Variants in MAP2K3 observed in about 807,000 individuals in gnomAD.
MAP2K3 encodes dual specificity mitogen-activated protein kinase kinase 3.
MAP2K3 carries 30 observed loss-of-function variants against 46.4 expected under a neutral mutation model. That is an observed-to-expected ratio of 0.65 (90% CI 0.48 to 0.88). The LOEUF is 0.88. MAP2K3 is among the 40% of genes least tolerant of loss of function. MAP2K3 has a pLI of 0.00. For missense variants in MAP2K3, 380 were observed against 464.5 expected (o/e 0.82, Z 1.67); for synonymous variants, 189 against 176.3 (o/e 1.07, Z -0.57).
chr17:21,285,052 C>CA, intron 1 of MAP2K3, 83 bp downstream of exon 1: 2 of 1,519,344 alleles, frequency 1.3e-6, no homozygotes, highest in Non-Finnish European at 1.8e-6. Flanking sequence ...TCTTTGGTCC[C>CA]ACCCCATCCT....
intron 1 of MAP2K3, among the ~76,000 whole-genome samples, chr17:21,295,011 A>C (rs902197797): frequency 3.9e-5 from 6 of 152,310 alleles, no homozygotes; most frequent in Non-Finnish European, 7.3e-5. Flanking sequence ...CAGAGAAGCC[A>C]TCAGGCCACA....
chr17:21,299,487 G>A (rs1041441862), intron 3 of MAP2K3, among the ~76,000 whole-genome samples: 1 of 152,306 alleles, frequency 6.6e-6, no homozygotes, highest in African/African-American at 2.4e-5. Context: ...CTCGGGACCA[G>A]GCCTGGGCAA....
rs778825381 is a variant in MAP2K3 at position 21,298,490 on chromosome 17, C to T, written c.116+11C>T. 6.2e-7 allele frequency: 1 copy of T among 1,614,314 alleles called. No homozygotes were observed. Among genetic ancestry groups the T allele is most frequent in the Non-Finnish European group, 8.5e-7 (1 of 1,180,058 alleles). The stretch of plus-strand genomic sequence containing the variant: ...CGCACCCAACCCCACGTGAGTCTGC[C>T]TCAGTTTCTCCCTGGCTCACCCTGG... On this transcript the variant is annotated intron_variant, in intron 2 of 11. Transcript: ENST00000342679.
intron 1 of MAP2K3, 70 bp downstream of exon 1, chr17:21,285,039 C>A: frequency 6.5e-7 from 1 of 1,549,434 alleles, no homozygotes; most frequent in Non-Finnish European, 8.7e-7. Context: ...AAACCCCGAC[C>A]TTTCTTTGGT....
chr17:21,292,507 C>T (rs1266472720), intron 1 of MAP2K3, among the ~76,000 whole-genome samples: 2 of 152,310 alleles, frequency 1.3e-5, no homozygotes, highest in Non-Finnish European at 2.9e-5. Flanking sequence ...CAGGCACGCA[C>T]CACCACGCCC....
intron 2 of MAP2K3, 77 bp downstream of exon 2, chr17:21,298,556 C>A (rs1274775936): frequency 3.7e-6 from 6 of 1,609,822 alleles, no homozygotes; most frequent in Non-Finnish European, 5.1e-6. Flanking sequence ...GAGTGAGAGG[C>A]AGGTGGGGCC....
At chr17:21,295,897 C>T (rs77663410) in intron 1 of MAP2K3, 18 of 1,271,140 alleles carry the variant, frequency 1.4e-5, no homozygotes, top group Middle Eastern at 2.2e-4. Flanking sequence ...GAGGGTGTGG[C>T]GTGGACCCCA....
At chr17:21,308,813 T>C (rs1451737159) in intron 9 of MAP2K3, among the ~76,000 whole-genome samples, 1 of 152,184 alleles carries the variant, frequency 6.6e-6, no homozygotes, top group Non-Finnish European at 1.5e-5. Context: ...TCTCCCTGTC[T>C]CCCTTCCAGT....
intron 3 of MAP2K3, 148 bp from the exon 4 acceptor site, chr17:21,300,397 G>A: frequency 1.3e-6 from 1 of 784,126 alleles, no homozygotes; most frequent in Non-Finnish European, 2.1e-6. Context: ...CTTGCTGAGG[G>A]TCACACAGCA....
chr17:21,309,129 C>T (rs1977042807), intron 9 of MAP2K3, among the ~76,000 whole-genome samples: 1 of 152,310 alleles, frequency 6.6e-6, no homozygotes, highest in Non-Finnish European at 1.5e-5. Flanking sequence ...CCTGGCCTCT[C>T]CATGCAACTT....
In MAP2K3 at chr17:21,300,977, G is replaced by A; in HGVS notation, c.383G>A (p.Gly128Glu). Residue 128 changes from glycine to glutamate, a missense_variant, in exon 5 of 12, where the codon GGG becomes GAG. Transcript: ENST00000342679. The part of the protein sequence containing the change: ...VDCFYTVTFY[G>E]ALFREGDVWI... ...TGTTTCTACACTGTCACCTTCTACG[G>A]GGCACTATTCAGAGAGGTGCGTCCT... 1 of 1,614,204 alleles carries A rather than the reference G, an allele frequency of 6.2e-7. No homozygotes were observed. Among genetic ancestry groups the A allele is most frequent in the Non-Finnish European group, 8.5e-7 (1 of 1,180,020 alleles).
At position 21,314,277 on chromosome 17, in the gene MAP2K3, C is replaced by A. The variant is rs754591217; in HGVS notation, c.*47C>A. ...TCCGGCCCTCCAGAGCCCCACAGCCCCATCTGCGGGGGCAGTGCTCACCCA... is the reference window on the plus strand; with the variant it reads ...TCCGGCCCTCCAGAGCCCCACAGCCACATCTGCGGGGGCAGTGCTCACCCA... On this transcript the variant is annotated 3_prime_UTR_variant, in exon 12 of 12. Coordinates refer to ENST00000342679, the MANE Select transcript of MAP2K3 (RefSeq NM_145109.3). The A allele has an allele frequency of 1.3e-5, 20 of 1,504,094 alleles. No individual in the cohort carries two copies. The African/African-American group carries it at 2.1e-4, about 16-fold the overall frequency. The allele number at this position is 1,504,094 out of a possible 1,614,324, so 93.2% of individuals were successfully genotyped here.
At chr17:21,300,402 A>T in intron 3 of MAP2K3, 143 bp from the exon 4 acceptor site, 1 of 830,590 alleles carries the variant, frequency 1.2e-6, no homozygotes, top group Non-Finnish European at 2.0e-6. Context: ...TGAGGGTCAC[A>T]CAGCAGGGAG....
chr17:21,304,151 C>T (rs1331004295), intron 7 of MAP2K3, among the ~76,000 whole-genome samples: 1 of 152,310 alleles, frequency 6.6e-6, no homozygotes, highest in African/African-American at 2.4e-5. Context: ...AGCAAAGCAC[C>T]TGGAGTCCTG....
intron 1 of MAP2K3, among the ~76,000 whole-genome samples, chr17:21,285,730 C>G (rs1975705210): frequency 6.6e-6 from 1 of 152,144 alleles, no homozygotes; most frequent in African/African-American, 2.4e-5. Flanking sequence ...CCATCTTATT[C>G]TTGTCCTGGC....
intron 9 of MAP2K3, among the ~76,000 whole-genome samples, chr17:21,307,419 C>A (rs1976944872): frequency 6.7e-6 from 1 of 150,316 alleles, no homozygotes; most frequent in Non-Finnish European, 1.5e-5. Flanking sequence ...GCCACTGTTG[C>A]AGATGCGGAG....
chr17:21,300,696 G>A, intron 4 of MAP2K3, 38 bp downstream of exon 4: 1 of 1,595,894 alleles, frequency 6.3e-7, no homozygotes, highest in Non-Finnish European at 8.5e-7. Flanking sequence ...GGGCTCCCTG[G>A]AGGAGGCGGG....
intron 1 of MAP2K3, among the ~76,000 whole-genome samples, chr17:21,297,135 C>T (rs1374797043): frequency 6.6e-6 from 1 of 152,310 alleles, no homozygotes; most frequent in East Asian, 1.9e-4. Flanking sequence ...TAGCGGTAAC[C>T]ACCCTTCGCC....
chr17:21,307,213 A>G (rs1976933060), intron 9 of MAP2K3, among the ~76,000 whole-genome samples: 1 of 152,296 alleles, frequency 6.6e-6, no homozygotes, highest in Non-Finnish European at 1.5e-5. Flanking sequence ...GAGGCTGTCT[A>G]GGGGCCTTAC....
Sources: gnomAD v4.1 joint callset for allele counts (sites outside exome capture counted in the v4.1 genomes callset) on GRCh38, gnomAD v4.1.1 for gene constraint, MANE v1.5 for transcripts, NCBI Gene and HGNC (gene_info 2026-07-23, HGNC 2026-07-21) for gene names.